CCDC73: variants seen among roughly 807,000 people sequenced by gnomAD.
CCDC73 encodes the protein coiled-coil domain containing 73.
Under a neutral mutation model 116.5 loss-of-function variants are expected in CCDC73, and 95 were observed. The ratio of observed to expected loss-of-function variants is 0.82; its 90% CI spans 0.69 to 0.97. CCDC73 has a LOEUF of 0.97. Ranked by LOEUF, CCDC73 falls within the 50% of genes least tolerant of loss-of-function variation. CCDC73 has a pLI of 0.00. For missense variants in CCDC73, 1,066 were observed against 1,206.8 expected, an observed-to-expected ratio of 0.88 and a Z score of 1.73; for synonymous variants, 398 against 401.3, an observed-to-expected ratio of 0.99 and a Z score of 0.10.
intron 2 of CCDC73, among the ~76,000 whole-genome samples, chr11:32,741,062 T>C (rs1850179216): frequency 1.3e-5 from 2 of 152,200 alleles, no homozygotes; most frequent in African/African-American, 4.8e-5. Flanking sequence ...ATTTTTTAAA[T>C]GTTTTAAGAC....
chr11:32,734,710 C>CA (rs2133349579), intron 2 of CCDC73, among the ~76,000 whole-genome samples: 1 of 151,852 alleles, frequency 6.6e-6, no homozygotes, highest in South Asian at 2.1e-4. Context: ...GGCAGAGACA[C>CA]AACAAAAAAA....
chr11:32,742,058 T>C (rs1003745299), intron 2 of CCDC73, among the ~76,000 whole-genome samples: 1 of 152,174 alleles, frequency 6.6e-6, no homozygotes. Flanking sequence ...CAGTCTATCA[T>C]TGATGGACAC....
chr11:32,735,317 CA>C (rs1344114761), intron 2 of CCDC73, among the ~76,000 whole-genome samples: 3 of 152,306 alleles, frequency 2.0e-5, no homozygotes, highest in South Asian at 2.1e-4. Context: ...GCAACTTCAG[CA>C]AAGTCTCAGG....
At chr11:32,791,782 G>A (rs1590650294) in intron 1 of CCDC73, among the ~76,000 whole-genome samples, 1 of 152,240 alleles carries the variant, frequency 6.6e-6, no homozygotes, top group East Asian at 1.9e-4. Context: ...GCAACATGGT[G>A]AAACCCCATC....
At chr11:32,764,275 A>G (rs1293491268) in intron 1 of CCDC73, among the ~76,000 whole-genome samples, 1 of 152,096 alleles carries the variant, frequency 6.6e-6, no homozygotes, top group Non-Finnish European at 1.5e-5. Flanking sequence ...CCACAAAGAT[A>G]CTCCTCGAGA....
chr11:32,781,217 G>A (rs1240832487), intron 1 of CCDC73, among the ~76,000 whole-genome samples: 1 of 152,118 alleles, frequency 6.6e-6, no homozygotes, highest in African/African-American at 2.4e-5. Flanking sequence ...ATAAAAACAG[G>A]ACTCAGAGTC....
the CCDC73 span, chr11:32,830,251 C>T: frequency 9.6e-7 from 1 of 1,042,206 alleles, no homozygotes; most frequent in Non-Finnish European, 1.2e-6. Context: ...GGGTTGGATT[C>T]GAACACATAG....
intron 1 of CCDC73, among the ~76,000 whole-genome samples, chr11:32,781,422 G>A (rs1258940750): frequency 6.6e-6 from 1 of 152,196 alleles, no homozygotes; most frequent in Non-Finnish European, 1.5e-5. Context: ...AAACTGAGAA[G>A]CAATTTGATT....
chr11:32,740,030 C>G (rs1391336371), intron 2 of CCDC73, among the ~76,000 whole-genome samples: 1 of 152,088 alleles, frequency 6.6e-6, no homozygotes, highest in East Asian at 1.9e-4. Flanking sequence ...ATAAATCCCA[C>G]TTGGTCATGA....
At position 32,675,869 on chromosome 11, in the gene CCDC73, A is replaced by C; in HGVS notation, c.565+17T>G. 6.4e-7 allele frequency: 1 copy of C among 1,562,162 alleles called. No homozygotes were observed. The highest frequency in any genetic ancestry group is 8.7e-7 in the Non-Finnish European group (1 of 1,152,520). On this transcript the variant is annotated intron_variant, in intron 8 of 17. Transcript: ENST00000335185. ...ATTCTCTACTGAATATGTATATTTA[A>C]ATAAGATAGCACATACCATTTTGTT...
chr11:32,682,519 T>A (rs1047772786), intron 7 of CCDC73: 1 of 151,944 alleles, frequency 6.6e-6, no homozygotes, highest in Non-Finnish European at 1.5e-5. Flanking sequence ...TTCTATGTAA[T>A]GTCAGAAGGG....
rs1438282016 is a variant in CCDC73 at position 32,755,903 on chromosome 11, C to G, written c.135+4206G>C. Among the ~76,000 whole-genome samples the G allele has an allele frequency of 1.9e-4, 16 of 83,300 alleles. 4 individuals carry two copies. Among genetic ancestry groups the G allele is most frequent in the African/African-American group, 7.9e-4 (16 of 20,378 alleles). 54.6% of individuals were successfully genotyped at this position (83,300 alleles called of 152,430 possible). ...TCTGTGTATATATCTCCATATATAT[C>G]TATATATATCTCCATATATATATCT... On this transcript the variant is annotated intron_variant, in intron 2 of 17. Coordinates refer to ENST00000335185, the MANE Select transcript of CCDC73 (RefSeq NM_001008391.4).
At chr11:32,783,231 AAT>A (rs1342886315) in intron 1 of CCDC73, among the ~76,000 whole-genome samples, 1 of 152,170 alleles carries the variant, frequency 6.6e-6, no homozygotes, top group Non-Finnish European at 1.5e-5. Flanking sequence ...TGGAAGCTAG[AAT>A]AAAGAAACTA....
intron 2 of CCDC73, among the ~76,000 whole-genome samples, chr11:32,729,796 A>C (rs548094883): frequency 7.2e-5 from 11 of 152,152 alleles, no homozygotes; most frequent in African/African-American, 2.7e-4. Context: ...CTTATTTGTC[A>C]CTTCTTTCAA....
chr11:32,637,017 C>CCT (rs1855686917), intron 13 of CCDC73, among the ~76,000 whole-genome samples: 113 of 87,956 alleles, frequency 1.3e-3, no homozygotes, highest in Non-Finnish European at 2.1e-3. Context: ...TTTTCTTTTT[C>CCT]TTTTTTTTTT....
the CCDC73 span, chr11:32,830,298 C>G: frequency 1.2e-6 from 1 of 849,662 alleles, no homozygotes; most frequent in African/African-American, 1.8e-5. Context: ...CCGATCAGCC[C>G]TCGGCAGGGT....
chr11:32,633,055 T>C (rs544374591), intron 14 of CCDC73, among the ~76,000 whole-genome samples: 1 of 152,260 alleles, frequency 6.6e-6, no homozygotes, highest in East Asian at 1.9e-4. Flanking sequence ...ACCTGTTTTT[T>C]GTTTGTTATT....
rs1284229617 is a variant in CCDC73 at position 32,756,425 on chromosome 11, A to C, written c.135+3684T>G. 1.5e-5 allele frequency among the ~76,000 whole-genome samples: 2 copies of C among 134,040 alleles called. 1 individual carries two copies. The highest frequency in any genetic ancestry group is 1.6e-4 in the Admixed American group (2 of 12,468). 87.9% of individuals were successfully genotyped at this position (134,040 alleles called of 152,430 possible). On this transcript the variant is annotated intron_variant, in intron 2 of 17. Transcript: ENST00000335185. ...TATATATCTCCATATATATATCTAT[A>C]TATATATCTCCATATATATCTATAT...
rs779725038 is a variant in CCDC73 at position 32,613,698 on chromosome 11, A to T, written c.2620T>A (p.Ser874Thr). 3 of 1,614,102 alleles carry T rather than the reference A, an allele frequency of 1.9e-6. No individual in the cohort carries two copies. In the Admixed American group the frequency reaches 5.0e-5, roughly 27 times the overall value. The change falls in exon 16 of 18, where the codon TCT becomes ACT. Residue 874 changes from serine (S) to threonine (T), a missense_variant. Coordinates refer to ENST00000335185, the MANE Select transcript of CCDC73 (RefSeq NM_001008391.4). ...EESHSFHIEPSGDLVNRSGRS... is the reference protein window; with the variant it reads ...EESHSFHIEPTGDLVNRSGRS... ...CCGCTTCTGTTTACTAAATCTCCAG[A>T]TGGCTCTATGTGAAATGAATGTGAT...
Sources: gnomAD v4.1 joint callset for allele counts (sites outside exome capture counted in the v4.1 genomes callset) on GRCh38, gnomAD v4.1.1 for gene constraint, MANE v1.5 for transcripts, NCBI Gene and HGNC (gene_info 2026-07-23, HGNC 2026-07-21) for gene names.